The following NUP93 variants were observed in gnomAD, a reference collection of about 807,000 sequenced individuals.
NUP93 encodes the protein nuclear pore complex protein Nup93.
A neutral mutation model predicts 107.8 loss-of-function variants in NUP93; 55 were observed. The observed-to-expected ratio is 0.51, with a 90% CI of 0.41 to 0.64. The LOEUF (loss-of-function observed/expected upper bound fraction) is 0.64, where lower values mean the gene tolerates loss of function less well. NUP93 is among the 30% of genes least tolerant of loss of function. The probability of loss-of-function intolerance (pLI) is 0.00; values close to 1 mark genes in which losing one functional copy is unlikely to be tolerated. For synonymous variants in NUP93, 390 were observed against 397.5 expected (o/e 0.98, Z 0.22); for missense variants, 937 against 1,044.7 (o/e 0.90, Z 1.42).
At chr16:56,814,582 A>G (rs1567401944) in intron 5 of NUP93, among the ~76,000 whole-genome samples, 2 of 152,196 alleles carry the variant, frequency 1.3e-5, no homozygotes, top group South Asian at 4.1e-4. Context: ...TAGGTGCTTA[A>G]TACAAGTTTG....
At chr16:56,822,899 C>A (rs1407249287) in intron 7 of NUP93, among the ~76,000 whole-genome samples, 1 of 152,180 alleles carries the variant, frequency 6.6e-6, no homozygotes, top group Admixed American at 6.5e-5. Context: ...TCTGGACATT[C>A]TAAAATTTTA....
intron 5 of NUP93, among the ~76,000 whole-genome samples, chr16:56,810,337 A>G (rs891870518): frequency 3.3e-5 from 5 of 152,346 alleles, no homozygotes; most frequent in Admixed American, 6.5e-5. Context: ...AGACGTAAGT[A>G]TGCAACTCAG....
intron 1 of NUP93, among the ~76,000 whole-genome samples, chr16:56,742,086 A>C (rs762400339): frequency 6.6e-6 from 1 of 152,218 alleles, no homozygotes; most frequent in African/African-American, 2.4e-5. Context: ...AATATGTTGC[A>C]TTATACTTAC....
intron 3 of NUP93, among the ~76,000 whole-genome samples, chr16:56,790,847 C>T (rs745324759): frequency 9.2e-5 from 14 of 152,130 alleles, no homozygotes; most frequent in Non-Finnish European, 1.9e-4. Context: ...TATCTTGGAG[C>T]AGATCCTTTA....
At chr16:56,793,536 G>T (rs1044165559) in intron 3 of NUP93, among the ~76,000 whole-genome samples, 1 of 152,078 alleles carries the variant, frequency 6.6e-6, no homozygotes, top group African/African-American at 2.4e-5. Flanking sequence ...TTTCTCATAA[G>T]CTATATGAGT....
intron 3 of NUP93, among the ~76,000 whole-genome samples, chr16:56,766,291 TA>T (rs1962215446): frequency 6.6e-6 from 1 of 152,310 alleles, no homozygotes; most frequent in South Asian, 2.1e-4. Context: ...CTGAAACATT[TA>T]ACATTTTAAT....
chr16:56,841,684 T>C (rs770586663), intron 20 of NUP93, 21 bp from the exon 21 acceptor site: 8 of 1,611,488 alleles, frequency 5.0e-6, no homozygotes, highest in Non-Finnish European at 6.8e-6. Flanking sequence ...TTTTCTTTAC[T>C]CTGTTTTTCT....
At chr16:56,809,879 C>T (rs1305044038) in intron 5 of NUP93, among the ~76,000 whole-genome samples, 3 of 152,098 alleles carry the variant, frequency 2.0e-5, no homozygotes, top group Non-Finnish European at 4.4e-5. Flanking sequence ...TCTTTGGAAA[C>T]GAAAAACAAA....
chr16:56,809,606 T>C (rs780303884), intron 5 of NUP93, among the ~76,000 whole-genome samples: 2 of 152,108 alleles, frequency 1.3e-5, no homozygotes, highest in Non-Finnish European at 2.9e-5. Flanking sequence ...AGACACATAA[T>C]ATGCTCGTGA....
intron 3 of NUP93, among the ~76,000 whole-genome samples, chr16:56,775,963 C>T (rs966359167): frequency 6.6e-6 from 1 of 152,168 alleles, no homozygotes; most frequent in South Asian, 2.1e-4. Flanking sequence ...ATTCATTTTA[C>T]TGTCATTTCT....
intron 3 of NUP93, chr16:56,782,549 A>G (rs1962536777): frequency 6.6e-6 from 1 of 152,100 alleles, no homozygotes; most frequent in Non-Finnish European, 1.5e-5. Context: ...TTTAAAGGAG[A>G]TACATGTGAA....
At chr16:56,737,030 A>C (rs1961625774) in intron 1 of NUP93, among the ~76,000 whole-genome samples, 1 of 152,214 alleles carries the variant, frequency 6.6e-6, no homozygotes, top group East Asian at 1.9e-4. Flanking sequence ...TTAAGTATAC[A>C]GCTTAGGGAA....
At chr16:56,770,009 A>G (rs1346912156) in intron 3 of NUP93, among the ~76,000 whole-genome samples, 1 of 152,230 alleles carries the variant, frequency 6.6e-6, no homozygotes, top group African/African-American at 2.4e-5. Flanking sequence ...AGATTTCTCT[A>G]CAGCAAAATT....
chr16:56,755,015 G>A (rs1054304391), intron 2 of NUP93, among the ~76,000 whole-genome samples: 1 of 152,196 alleles, frequency 6.6e-6, no homozygotes, highest in Non-Finnish European at 1.5e-5. Flanking sequence ...GGAAAAATTG[G>A]AATCTTTATA....
At chr16:56,832,761 T>A (rs1370536350) in intron 12 of NUP93, among the ~76,000 whole-genome samples, 1 of 152,228 alleles carries the variant, frequency 6.6e-6, no homozygotes, top group Non-Finnish European at 1.5e-5. Context: ...TCCCGTATTT[T>A]TTAAAAACTG....
intron 3 of NUP93, among the ~76,000 whole-genome samples, chr16:56,770,792 A>C (rs1596785875): frequency 6.6e-6 from 1 of 152,102 alleles, no homozygotes; most frequent in Non-Finnish European, 1.5e-5. Flanking sequence ...GGCCGGGCGC[A>C]GTAGCTCAAG....
chr16:56,783,848 A>G, intron 3 of NUP93: 1 of 985,458 alleles, frequency 1.0e-6, no homozygotes, highest in Non-Finnish European at 1.2e-6. Flanking sequence ...ATTCCCAGAA[A>G]GAAAATGGAA....
intron 4 of NUP93, among the ~76,000 whole-genome samples, chr16:56,800,779 GAAC>G (rs1230039036): frequency 6.6e-6 from 1 of 152,160 alleles, no homozygotes; most frequent in Non-Finnish European, 1.5e-5. Flanking sequence ...GGCAAAAACA[GAAC>G]AACATTATCA....
intron 4 of NUP93, among the ~76,000 whole-genome samples, chr16:56,801,615 G>C (rs1963023119): frequency 1.3e-5 from 2 of 152,170 alleles, no homozygotes; most frequent in Non-Finnish European, 2.9e-5. Flanking sequence ...GTTTCACCAT[G>C]TTGGCCAGGC....
Sources: allele counts gnomAD v4.1 joint callset (sites outside exome capture counted in the v4.1 genomes callset), GRCh38; gene constraint gnomAD v4.1.1; transcripts MANE v1.5; gene names NCBI Gene and HGNC (gene_info 2026-07-23, HGNC 2026-07-21).